The following ITSN2 variants were observed in gnomAD, a reference collection of about 807,000 sequenced individuals.
The protein encoded by ITSN2 is intersectin-2.
A neutral mutation model predicts 243.7 loss-of-function variants in ITSN2; 156 were observed. That is an observed-to-expected ratio of 0.64 (90% CI 0.56 to 0.73). The LOEUF is 0.73. Among genes scored for constraint, ITSN2 ranks in the 30% least tolerant of loss-of-function variants. ITSN2 has a pLI of 0.00. For synonymous variants in ITSN2, 703 were observed against 699.9 expected, an observed-to-expected ratio of 1.00 and a Z score of -0.07; for missense variants, 1,801 against 1,996.1, an observed-to-expected ratio of 0.90 and a Z score of 1.86.
intron 15 of ITSN2, among the ~76,000 whole-genome samples, chr2:24,290,673 A>T (rs1456190625): frequency 6.6e-6 from 1 of 152,188 alleles, no homozygotes; most frequent in Non-Finnish European, 1.5e-5. Flanking sequence ...GCTCCTCTGC[A>T]ACTCTTTCAG....
At chr2:24,245,387 G>A (rs1673220480) in intron 29 of ITSN2, among the ~76,000 whole-genome samples, 1 of 152,056 alleles carries the variant, frequency 6.6e-6, no homozygotes, top group African/African-American at 2.4e-5. Context: ...TATGTAAACA[G>A]CGAGAAATAA....
At chr2:24,215,711 G>A (rs1669897119) in intron 32 of ITSN2, among the ~76,000 whole-genome samples, 1 of 151,336 alleles carries the variant, frequency 6.6e-6, no homozygotes. Flanking sequence ...TACTCTTTCT[G>A]GAATAAGGCA....
At chr2:24,234,236 C>T (rs1671893256) in intron 29 of ITSN2, among the ~76,000 whole-genome samples, 1 of 150,792 alleles carries the variant, frequency 6.6e-6, no homozygotes, top group Non-Finnish European at 1.5e-5. Flanking sequence ...CAAAGATACT[C>T]TTTTCAACAA....
intron 29 of ITSN2, among the ~76,000 whole-genome samples, chr2:24,237,132 C>T (rs1250482664): frequency 6.6e-6 from 1 of 152,110 alleles, no homozygotes; most frequent in Non-Finnish European, 1.5e-5. Flanking sequence ...CGCTTACTAG[C>T]AGGTTCCACT....
At chr2:24,283,159 G>A (rs534447528) in intron 17 of ITSN2, among the ~76,000 whole-genome samples, 265 of 151,974 alleles carry the variant, frequency 1.7e-3, no homozygotes, top group Non-Finnish European at 3.3e-3. Context: ...TATCACTCAA[G>A]TGAAATGGCA....
At chr2:24,356,706 G>A (rs933459532) in intron 1 of ITSN2, among the ~76,000 whole-genome samples, 7 of 152,108 alleles carry the variant, frequency 4.6e-5, no homozygotes, top group African/African-American at 1.7e-4. Context: ...CTGAGGTTGG[G>A]AGTTCTAGAC....
intron 27 of ITSN2, among the ~76,000 whole-genome samples, chr2:24,248,404 G>C (rs1673680284): frequency 6.6e-6 from 1 of 152,186 alleles, no homozygotes; most frequent in South Asian, 2.1e-4. Flanking sequence ...TTATGTCTTT[G>C]GAGAAAATTA....
chr2:24,322,368 C>T (rs1318725690), intron 2 of ITSN2, among the ~76,000 whole-genome samples: 1 of 152,082 alleles, frequency 6.6e-6, no homozygotes, highest in East Asian at 1.9e-4. Flanking sequence ...GCAAGACTAG[C>T]GTCTACTCAG....
rs1210052748 is a variant in ITSN2, at chr2:24,257,977, A to G, written c.2799T>C (p.Asn933=). 1.2e-6 allele frequency: 2 copies of G among 1,613,700 alleles called. No homozygotes were observed. Among genetic ancestry groups the G allele is most frequent in the East Asian group, 4.5e-5 (2 of 44,874 alleles). Residue 933 remains asparagine, a synonymous_variant, in exon 23 of 40, where the codon AAT becomes AAC. Transcript: ENST00000355123. Reference sequence around the variant, plus strand: ...CTCCATGCACCTCCCCAAACCACCAATTTTCTTGCTGCTCCAAGACAGTAA... The same window carrying G: ...CTCCATGCACCTCCCCAAACCACCAGTTTTCTTGCTGCTCCAAGACAGTAA... The part of the protein sequence containing the change: ...DIITVLEQQE[N]WWFGEVHGGR...
At chr2:24,258,198 T>A in intron 22 of ITSN2, 105 bp from the exon 23 acceptor site, 1 of 781,448 alleles carries the variant, frequency 1.3e-6, no homozygotes, top group Non-Finnish European at 2.1e-6. Context: ...ACCAGTTTTG[T>A]GTCGTGGTGA....
At chr2:24,209,710 G>A (rs946882576) in intron 35 of ITSN2, 108 bp downstream of exon 35, 11 of 837,924 alleles carry the variant, frequency 1.3e-5, no homozygotes, top group Middle Eastern at 2.5e-4. Flanking sequence ...TCTGGAACCA[G>A]GTGAGGAGGG....
At position 24,261,659 on chromosome 2, in the gene ITSN2, T is replaced by C. The variant is rs377276610; in HGVS notation, c.2439A>G (p.Val813=). Residue 813 remains valine (V), a synonymous_variant, in exon 21 of 40, where the codon GTA becomes GTG. Coordinates refer to ENST00000355123, the MANE Select transcript of ITSN2 (RefSeq NM_006277.3). ...CATTTTCACTTGATGGCATTTTTTC[T>C]ACATAATTGCATGGAAACCAGCCAA... ...GNFGWFPCNY[V]EKMPSSENEK... The C allele has an allele frequency of 4.3e-6, 7 of 1,613,250 alleles. No individual in the cohort carries two copies. In the African/African-American group the frequency reaches 5.3e-5, roughly 12 times the overall value.
intron 1 of ITSN2, among the ~76,000 whole-genome samples, chr2:24,329,085 G>A (rs1685492651): frequency 6.6e-6 from 1 of 152,152 alleles, no homozygotes. Context: ...TTTTTAAAGT[G>A]TTAAACATAA....
intron 20 of ITSN2, among the ~76,000 whole-genome samples, chr2:24,268,925 G>C (rs959140541): frequency 3.9e-5 from 6 of 151,982 alleles, no homozygotes; most frequent in African/African-American, 1.4e-4. Flanking sequence ...CGCTCTACTA[G>C]TCCACTTAAC....
In ITSN2 at chr2:24,203,021, A is replaced by AGAG. The variant is rs1668489530; in HGVS notation, c.*602_*604dup. 1 of 152,698 alleles carries AGAG rather than the reference A, an allele frequency of 6.5e-6. No homozygotes were observed. Among genetic ancestry groups the AGAG allele is most frequent in the African/African-American group, 2.4e-5 (1 of 41,472 alleles). 9.5% of individuals were successfully genotyped at this position (152,698 alleles called of 1,614,324 possible). On this transcript the variant is annotated 3_prime_UTR_variant, in exon 40 of 40. Transcript: ENST00000355123. Reference sequence around the variant, plus strand: ...GTTGAAAAATATTTTCCACATTATTAGAGTTCACAGTATTTAAATCAAGCT... The same window carrying AGAG: ...GTTGAAAAATATTTTCCACATTATTAGAGGAGTTCACAGTATTTAAATCAAGCT...
At chr2:24,356,542 T>G (rs533667593) in intron 1 of ITSN2, among the ~76,000 whole-genome samples, 1 of 150,658 alleles carries the variant, frequency 6.6e-6, no homozygotes, top group South Asian at 2.1e-4. Context: ...TAGACACTTC[T>G]CAAAAGAAGA....
At chr2:24,328,502 AC>A (rs1430343225) in intron 1 of ITSN2, among the ~76,000 whole-genome samples, 1 of 151,676 alleles carries the variant, frequency 6.6e-6, no homozygotes, top group African/African-American at 2.4e-5. Flanking sequence ...TCACTCTGTC[AC>A]CCAGGCTGGA....
Position 24,211,741 on chromosome 2 carries a change from T to G in ITSN2, c.4090-794A>C, listed in dbSNP as rs1669514104. ...CTTACTCTTACAGTGATTGTTCTTA[T>G]GTTCCACTGTAGGAATATTAGTGTG... On this transcript the variant is annotated intron_variant, in intron 33 of 39. Transcript: ENST00000355123. This position sits in a 1 kb window ranked among gnomAD's most constrained non-coding sequence, Gnocchi z 4.1. Among the ~76,000 whole-genome samples, 1 of 152,240 alleles carries G rather than the reference T, an allele frequency of 6.6e-6. No individual in the cohort carries two copies. The highest frequency in any genetic ancestry group is 1.5e-5 in the Non-Finnish European group (1 of 68,034).
chr2:24,341,380 GAA>G (rs372221674), intron 1 of ITSN2, among the ~76,000 whole-genome samples: 1 of 152,016 alleles, frequency 6.6e-6, no homozygotes, highest in South Asian at 2.1e-4. Flanking sequence ...TCATGTATAA[GAA>G]AAAAGAGACA....
Sources: allele counts gnomAD v4.1 joint callset (sites outside exome capture counted in the v4.1 genomes callset), GRCh38; gene constraint gnomAD v4.1.1; non-coding constraint Gnocchi (gnomAD v3.1); transcripts MANE v1.5; gene names NCBI Gene and HGNC (gene_info 2026-07-23, HGNC 2026-07-21).